The following ASCC3 variants were observed in gnomAD, a reference collection of about 807,000 sequenced individuals.
ASCC3 encodes the protein activating signal cointegrator 1 complex subunit 3, also known as ASC-1 complex subunit P200.
Under a neutral mutation model 256.3 loss-of-function variants are expected in ASCC3, and 158 were observed. The observed-to-expected ratio is 0.62, with a 90% confidence interval of 0.54 to 0.70. The LOEUF is 0.70. Ranked by LOEUF, ASCC3 falls within the 30% of genes least tolerant of loss-of-function variation. The pLI is 0.00. For missense variants in ASCC3, 2,259 were observed against 2,626.0 expected, an observed-to-expected ratio of 0.86 and a Z score of 3.05; for synonymous variants, 948 against 883.4, an observed-to-expected ratio of 1.07 and a Z score of -1.30.
chr6:100,650,179 T>C (rs1168960673), intron 20 of ASCC3, among the ~76,000 whole-genome samples: 1 of 151,778 alleles, frequency 6.6e-6, no homozygotes, highest in African/African-American at 2.4e-5. Flanking sequence ...CTTTTCTTTA[T>C]GCTTGCAATA....
chr6:100,586,186 G>T lies in ASCC3; in HGVS notation c.5550+3448C>A, dbSNP rs367932150. On this transcript the variant is annotated intron_variant, in intron 36 of 41. Transcript: ENST00000369162. Reference sequence around the variant, plus strand: ...GTTTGTCTGTGCCCTGTCCCCAGAGGTGGGGCCTACAGAGGCAGGCAGGCC... The same window carrying T: ...GTTTGTCTGTGCCCTGTCCCCAGAGTTGGGGCCTACAGAGGCAGGCAGGCC... 2.0e-5 allele frequency among the ~76,000 whole-genome samples: 3 copies of T among 152,334 alleles called. No homozygotes were observed. The East Asian group carries it at 5.8e-4, about 29-fold the overall frequency.
chr6:100,792,455 C>T lies in ASCC3; in HGVS notation c.1395+6258G>A, dbSNP rs1041955426. Reference sequence around the variant, plus strand: ...CTAATAAGACTGAAGTGCTTGATATCCAAAGGTAACAGCAATTTCATGCAA... The same window carrying T: ...CTAATAAGACTGAAGTGCTTGATATTCAAAGGTAACAGCAATTTCATGCAA... On this transcript the variant is annotated intron_variant, in intron 8 of 41. Transcript: ENST00000369162. 5.3e-5 allele frequency among the ~76,000 whole-genome samples: 8 copies of T among 151,878 alleles called. No individual in the cohort carries two copies. In the East Asian group the frequency reaches 7.7e-4, roughly 15 times the overall value.
intron 8 of ASCC3, among the ~76,000 whole-genome samples, chr6:100,767,665 C>G (rs1436355792): frequency 2.0e-5 from 3 of 151,828 alleles, no homozygotes; most frequent in Non-Finnish European, 2.9e-5. Context: ...CTGGAGTGCA[C>G]TGGCGTGATC....
At chr6:100,573,567 T>C (rs1770703752) in intron 36 of ASCC3, among the ~76,000 whole-genome samples, 1 of 152,124 alleles carries the variant, frequency 6.6e-6, no homozygotes, top group African/African-American at 2.4e-5. Flanking sequence ...TTCTACTTAC[T>C]CAACGTAGAG....
chr6:100,700,578 C>A (rs1778309713), intron 13 of ASCC3, among the ~76,000 whole-genome samples: 1 of 152,212 alleles, frequency 6.6e-6, no homozygotes, highest in Admixed American at 6.5e-5. Flanking sequence ...GTGAAAGCAG[C>A]TGGGAAGGAG....
In ASCC3 at chr6:100,715,452, A is replaced by G; in HGVS notation, c.2151+10T>C. 1 of 1,604,012 alleles carries G rather than the reference A, an allele frequency of 6.2e-7. No individual in the cohort carries two copies. Among genetic ancestry groups the G allele is most frequent in the South Asian group, 1.1e-5 (1 of 90,724 alleles). ...ATAAATAAGTGTAAAAGCAGATAAA[A>G]TAAGTGTACCTGGTGTCCAGCCTTT... On this transcript the variant is annotated intron_variant, in intron 13 of 41. Coordinates refer to ENST00000369162, the MANE Select transcript of ASCC3 (RefSeq NM_006828.4).
rs527763157 is a variant in ASCC3 at position 100,678,883 on chromosome 6, G to A, written c.2286+735C>T. Among the ~76,000 whole-genome samples, 158 of 152,112 alleles carry A rather than the reference G, an allele frequency of 1.0e-3. 1 individual carries two copies. Among genetic ancestry groups the A allele is most frequent in the African/African-American group, 3.5e-3 (145 of 41,498 alleles). On this transcript the variant is annotated intron_variant, in intron 14 of 41. Transcript: ENST00000369162. ...ACAAAACTTTAATTACAAAACAGACGGACATCTTTGGCCTTCGGGCCATAA... is the reference window on the plus strand; with the variant it reads ...ACAAAACTTTAATTACAAAACAGACAGACATCTTTGGCCTTCGGGCCATAA...
chr6:100,704,422 G>A (rs1029454471), intron 13 of ASCC3, among the ~76,000 whole-genome samples: 1 of 151,968 alleles, frequency 6.6e-6, no homozygotes, highest in African/African-American at 2.4e-5. Context: ...AATTAGAGAT[G>A]CTTATTATAT....
At chr6:100,648,923 G>A (rs1276093904) in intron 20 of ASCC3, among the ~76,000 whole-genome samples, 2 of 151,826 alleles carry the variant, frequency 1.3e-5, no homozygotes, top group African/African-American at 2.4e-5. Flanking sequence ...GAAAAGTTAA[G>A]CATAGGCCTT....
chr6:100,818,886 G>A (rs1212174455), intron 4 of ASCC3, among the ~76,000 whole-genome samples: 2 of 150,516 alleles, frequency 1.3e-5, no homozygotes, highest in Non-Finnish European at 3.0e-5. Flanking sequence ...AAAATCAATT[G>A]TATTTCTATA....
At chr6:100,701,056 T>C (rs1778331203) in intron 13 of ASCC3, among the ~76,000 whole-genome samples, 2 of 152,276 alleles carry the variant, frequency 1.3e-5, no homozygotes, top group African/African-American at 4.8e-5. Context: ...TCATCTTGAA[T>C]TGTAACTCCC....
chr6:100,815,660 T>TGGG lies in ASCC3; in HGVS notation c.802-9783_802-9781dup, dbSNP rs528554254. On this transcript the variant is annotated intron_variant, in intron 4 of 41. Transcript: ENST00000369162. The stretch of plus-strand genomic sequence containing the variant: ...TGACACAGCCAACAAAAACAAGGAA[T>TGGG]GGGGAAAAGACTCCATATTCAATAA... Among the ~76,000 whole-genome samples, 165 of 152,032 alleles carry TGGG rather than the reference T, an allele frequency of 1.1e-3. 1 individual carries two copies. Among genetic ancestry groups the TGGG allele is most frequent in the South Asian group, 7.7e-3 (37 of 4,806 alleles).
intron 3 of ASCC3, among the ~76,000 whole-genome samples, chr6:100,852,416 T>C (rs1199288226): frequency 6.6e-6 from 1 of 152,208 alleles, no homozygotes; most frequent in Admixed American, 6.5e-5. Context: ...TGTTCTTGTT[T>C]TCTGACACTA....
At chr6:100,753,503 T>C (rs1781038403) in intron 10 of ASCC3, among the ~76,000 whole-genome samples, 1 of 66,828 alleles carries the variant, frequency 1.5e-5, no homozygotes, top group South Asian at 6.2e-4. Context: ...TGCCCTTTTT[T>C]TTTTTAAAAA....
At chr6:100,532,652 G>T (rs1277651127) in intron 37 of ASCC3, among the ~76,000 whole-genome samples, 1 of 151,524 alleles carries the variant, frequency 6.6e-6, no homozygotes. Flanking sequence ...ACAAAGGAAT[G>T]TATTTCAGAA....
rs1240184352 is a variant in ASCC3, at chr6:100,679,700, A to G, written c.2204T>C (p.Leu735Pro). Residue 735 changes from leucine (L) to proline (P), a missense_variant, in exon 14 of 42, where the codon CTA becomes CCA. Leu to Pro is a moderately conservative substitution (Grantham distance 98). Around this residue, in one of 2 missense-constraint regions of ASCC3, gnomAD observed 1,839 missense variants for 2,206.7 expected, o/e 0.83. Transcript: ENST00000369162. ...GCCACAATTTTTTGCTCTTTCTATT[A>G]GAGACATAGCTGTTCTTACAGTGGC... is the stretch of plus-strand genomic sequence containing the variant. The part of the protein sequence containing the change: ...RNATVRTAMS[L>P]IERAKNCGHI... 1 of 1,613,740 alleles carries G rather than the reference A, an allele frequency of 6.2e-7. No homozygotes were observed. Among genetic ancestry groups the G allele is most frequent in the Non-Finnish European group, 8.5e-7 (1 of 1,179,764 alleles).
intron 14 of ASCC3, among the ~76,000 whole-genome samples, chr6:100,667,613 A>T (rs930556573): frequency 6.6e-6 from 1 of 152,138 alleles, no homozygotes; most frequent in Non-Finnish European, 1.5e-5. Context: ...GCTAGAAAGT[A>T]ACCAAGACTG....
chr6:100,548,522 A>G (rs979197898), intron 36 of ASCC3, among the ~76,000 whole-genome samples: 21 of 151,972 alleles, frequency 1.4e-4, no homozygotes, highest in African/African-American at 4.6e-4. Flanking sequence ...AGTATCTACC[A>G]TATGCCATTG....
intron 30 of ASCC3, among the ~76,000 whole-genome samples, chr6:100,611,977 T>G (rs149769819): frequency 2.0e-5 from 3 of 151,916 alleles, no homozygotes; most frequent in Non-Finnish European, 4.4e-5. Context: ...TTCCAATAAA[T>G]AGCCTTTGAA....
Sources: gnomAD v4.1 joint callset for allele counts (sites outside exome capture counted in the v4.1 genomes callset) on GRCh38, gnomAD v4.1.1 for gene constraint, gnomAD v4.1.1 regional missense constraint, MANE v1.5 for transcripts, NCBI Gene and HGNC (gene_info 2026-07-23, HGNC 2026-07-21) for gene names.